ARID2: variants seen among roughly 807,000 people sequenced by gnomAD.
The protein encoded by ARID2 is AT-rich interactive domain-containing protein 2.
In ARID2, 32 loss-of-function variants were observed where a neutral mutation model predicts 184.6. The ratio of observed to expected loss-of-function variants is 0.17; its 90% CI spans 0.13 to 0.23. The LOEUF is 0.23. Among genes scored for constraint, ARID2 ranks in the 10% least tolerant of loss-of-function variants. The pLI, the probability that ARID2 is intolerant of heterozygous loss-of-function variation, is 1.00. For synonymous variants in ARID2, 836 were observed against 772.6 expected (o/e 1.08, Z -1.36); for missense variants, 1,696 against 2,197.6 (o/e 0.77, Z 4.56).
At chr12:45,746,584 T>C (rs1565580587) in intron 3 of ARID2, among the ~76,000 whole-genome samples, 2 of 152,186 alleles carry the variant, frequency 1.3e-5, no homozygotes, top group African/African-American at 4.8e-5. Context: ...GACTATTAAG[T>C]TTATATTTTT....
chr12:45,766,924 C>T (rs1446982813), intron 3 of ARID2, among the ~76,000 whole-genome samples: 3 of 150,290 alleles, frequency 2.0e-5, no homozygotes, highest in Admixed American at 6.6e-5. Flanking sequence ...GCCAAGATCG[C>T]GCCATTGCAC....
rs145648819 is a variant in ARID2 at position 45,782,610 on chromosome 12, C to T, written c.285-28808C>T. ...TCGCGCCATTACACTCCAGCCTGGG[C>T]GACAGAGCGAGACTCTGTCTCAAAA... On this transcript the variant is annotated intron_variant, in intron 3 of 20. Transcript: ENST00000334344. 5.5e-4 allele frequency among the ~76,000 whole-genome samples: 84 copies of T among 151,802 alleles called. No individual in the cohort carries two copies. In the East Asian group the frequency reaches 0.011, roughly 21 times the overall value.
chr12:45,752,151 C>A (rs1271298968), intron 3 of ARID2, among the ~76,000 whole-genome samples: 1 of 152,098 alleles, frequency 6.6e-6, no homozygotes, highest in African/African-American at 2.4e-5. Context: ...TTTAGAAGAT[C>A]CATGGAGGGA....
In ARID2 at chr12:45,852,461, T is replaced by G. The variant is rs1217259617; in HGVS notation, c.4338T>G (p.Asp1446Glu). Residue 1446 changes from aspartate to glutamate, a missense_variant, in exon 15 of 21, where the codon GAT becomes GAG. Physicochemically the swap from Asp to Glu is conservative, Grantham distance 45. Around this residue, in one of 11 missense-constraint regions of ARID2, gnomAD observed 428 missense variants for 409.1 expected, o/e 1.05. Coordinates refer to ENST00000334344, the MANE Select transcript of ARID2 (RefSeq NM_152641.4). ...CAACACAGCAATTTAGTGGTACTGA[T>G]TTGCTTAATGGACCTCTAGCTTCAA... ...NAATQQFSGT[D>E]LLNGPLASSL... 6.2e-7 allele frequency: 1 copy of G among 1,614,032 alleles called. No homozygotes were observed. The highest frequency in any genetic ancestry group is 8.5e-7 in the Non-Finnish European group (1 of 1,180,014).
intron 11 of ARID2, among the ~76,000 whole-genome samples, chr12:45,844,860 C>A (rs1943413731): frequency 6.6e-6 from 1 of 152,058 alleles, no homozygotes; most frequent in African/African-American, 2.4e-5. Flanking sequence ...CATAATCCTG[C>A]AGAGCTATCA....
intron 3 of ARID2, among the ~76,000 whole-genome samples, chr12:45,790,952 G>A (rs967406213): frequency 1.3e-5 from 2 of 152,008 alleles, no homozygotes; most frequent in Admixed American, 6.6e-5. Context: ...GGACGCTTGG[G>A]CTACTTCTTC....
rs185608438 is a variant in ARID2, at chr12:45,851,868, G to A, written c.3745G>A (p.Glu1249Lys). The A allele has an allele frequency of 1.2e-6, 2 of 1,614,156 alleles. No homozygotes were observed. Among genetic ancestry groups the A allele is most frequent in the East Asian group, 4.5e-5 (2 of 44,876 alleles). The change falls in exon 15 of 21, where the codon GAA becomes AAA. Residue 1249 changes from glutamate to lysine, a missense_variant. By Grantham distance (56) the Glu-to-Lys change is moderately conservative. Coordinates refer to ENST00000334344, the MANE Select transcript of ARID2 (RefSeq NM_152641.4). ...TAAAATAATTTGCCAAAAGGAGGAG[G>A]AAGCAAAGGAAGCAACAGGTTTACA... ...GDKIICQKEE[E>K]AKEATGLHVH... is the part of the protein sequence containing the mutation.
In ARID2 at chr12:45,848,828, T is replaced by G; in HGVS notation, c.1581-8T>G. On this transcript the variant is annotated splice_region_variant and splice_polypyrimidine_tract_variant and intron_variant, in intron 12 of 20. Transcript: ENST00000334344. ...ATTGTATAATGCTTAATTTTTCTCC[T>G]CTTTTAGGCTAAATGCTCATTTTGA... The G allele has an allele frequency of 6.2e-7, 1 of 1,607,790 alleles. No individual in the cohort carries two copies. The highest frequency in any genetic ancestry group is 8.5e-7 in the Non-Finnish European group (1 of 1,176,740).
intron 16 of ARID2, among the ~76,000 whole-genome samples, chr12:45,877,274 T>G (rs1944025307): frequency 6.6e-6 from 1 of 152,082 alleles, no homozygotes; most frequent in Non-Finnish European, 1.5e-5. Context: ...CGCTCCCTAT[T>G]GCTTGCATTA....
intron 4 of ARID2, among the ~76,000 whole-genome samples, chr12:45,815,775 G>C (rs1227568820): frequency 6.6e-6 from 1 of 152,034 alleles, no homozygotes; most frequent in Non-Finnish European, 1.5e-5. Flanking sequence ...AATCCTCCCA[G>C]CTCAGCCTTC....
intron 16 of ARID2, among the ~76,000 whole-genome samples, chr12:45,862,860 G>C (rs1943771623): frequency 6.6e-6 from 1 of 151,106 alleles, no homozygotes; most frequent in South Asian, 2.1e-4. Context: ...TTCTAAACAA[G>C]ACAGATTAAA....
intron 10 of ARID2, 120 bp from the exon 11 acceptor site, chr12:45,839,209 G>C (rs990605320): frequency 3.0e-6 from 3 of 1,004,546 alleles, no homozygotes; most frequent in Non-Finnish European, 4.2e-6. Flanking sequence ...CTGATGTACT[G>C]TGATTCATGG....
rs969265727 is a variant in ARID2, at chr12:45,850,663, T to C, written c.2540T>C (p.Ile847Thr). Residue 847 changes from isoleucine (I) to threonine (T), a missense_variant, in exon 15 of 21, where the codon ATC (isoleucine) becomes ACC (threonine). Coordinates refer to ENST00000334344, the MANE Select transcript of ARID2 (RefSeq NM_152641.4). ...GGTAGCCAGTCACAAGATACTGTTA[T>C]CATAGCACCCCCACAGTATGTAACA... is the stretch of plus-strand genomic sequence containing the variant. ...SAGSQSQDTV[I>T]IAPPQYVTTS... 6 of 1,614,034 alleles carry C rather than the reference T, an allele frequency of 3.7e-6. No homozygotes were observed. Among genetic ancestry groups the C allele is most frequent in the Admixed American group, 1.7e-5 (1 of 60,006 alleles).
At chr12:45,886,625 C>T (rs1272247303) in intron 16 of ARID2, among the ~76,000 whole-genome samples, 1 of 152,224 alleles carries the variant, frequency 6.6e-6, no homozygotes, top group Non-Finnish European at 1.5e-5. Context: ...TGTTTCCATA[C>T]ATCCTCTGAA....
rs1943176066 is a variant in ARID2, at chr12:45,834,369, T to G, written c.706-2220T>G. Among the ~76,000 whole-genome samples, 3 of 152,298 alleles carry G rather than the reference T, an allele frequency of 2.0e-5. No individual in the cohort carries two copies. In the South Asian group the frequency reaches 6.2e-4, roughly 32 times the overall value. On this transcript the variant is annotated intron_variant, in intron 6 of 20. Coordinates refer to ENST00000334344, the MANE Select transcript of ARID2 (RefSeq NM_152641.4). ...AGATTGTAGATAATGAGCTTTTCTG[T>G]TTTTTATTTGTCAGAAAATGTTTTT...
rs374577612 is a variant in ARID2, at chr12:45,851,989, A to G, written c.3866A>G (p.His1289Arg). ...GGGGATACAAAGGAAAATGAAATGC[A>G]TGTGGGAAGTCTTTTAAATGGGAGA... is the stretch of plus-strand genomic sequence containing the variant. ...SNGDTKENEM[H>R]VGSLLNGRKY... The change falls in exon 15 of 21, where the codon CAT becomes CGT. Residue 1289 changes from histidine (H) to arginine (R), a missense_variant. Physicochemically the swap from His to Arg is conservative, Grantham distance 29. Coordinates refer to ENST00000334344, the MANE Select transcript of ARID2 (RefSeq NM_152641.4). 69 of 1,614,038 alleles carry G rather than the reference A, an allele frequency of 4.3e-5. No homozygotes were observed. The highest frequency in any genetic ancestry group is 5.3e-5 in the Non-Finnish European group (62 of 1,180,016).
chr12:45,747,154 GA>G (rs1488544383), intron 3 of ARID2, among the ~76,000 whole-genome samples: 1 of 152,168 alleles, frequency 6.6e-6, no homozygotes, highest in East Asian at 1.9e-4. Flanking sequence ...AAAAGTATTT[GA>G]AGATAAGGAC....
intron 16 of ARID2, among the ~76,000 whole-genome samples, chr12:45,867,699 C>T (rs1352350939): frequency 4.7e-5 from 7 of 150,250 alleles, no homozygotes; most frequent in African/African-American, 9.8e-5. Context: ...GCCCAGATCG[C>T]GCCACTGCAC....
chr12:45,836,518 T>C, intron 6 of ARID2, 71 bp from the exon 7 acceptor site: 16 of 1,408,192 alleles, frequency 1.1e-5, no homozygotes, highest in Non-Finnish European at 1.5e-5. Flanking sequence ...ACCTAGCCTG[T>C]GTGTGACTAT....
Sources: gnomAD v4.1 joint callset for allele counts (sites outside exome capture counted in the v4.1 genomes callset) on GRCh38, gnomAD v4.1.1 for gene constraint, gnomAD v4.1.1 regional missense constraint, MANE v1.5 for transcripts, NCBI Gene and HGNC (gene_info 2026-07-23, HGNC 2026-07-21) for gene names.